TRAPPC9: variants seen among roughly 807,000 people sequenced by gnomAD.
TRAPPC9 encodes the protein trafficking protein particle complex subunit 9.
Under a neutral mutation model 124.0 loss-of-function variants are expected in TRAPPC9, and 83 were observed. The ratio of observed to expected loss-of-function variants is 0.67; its 90% CI spans 0.56 to 0.80. The LOEUF is 0.80. TRAPPC9 is among the 30% of genes least tolerant of loss of function. The pLI is 0.00. For missense variants in TRAPPC9, 1,302 were observed against 1,508.3 expected, an observed-to-expected ratio of 0.86 and a Z score of 2.27; for synonymous variants, 638 against 617.5, an observed-to-expected ratio of 1.03 and a Z score of -0.49.
chr8:140,237,017 T>C (rs761944022), intron 16 of TRAPPC9, among the ~76,000 whole-genome samples: 3 of 151,672 alleles, frequency 2.0e-5, no homozygotes, highest in Non-Finnish European at 2.9e-5. Flanking sequence ...CCCGCCTCTA[T>C]TAAAAATAAA....
At chr8:139,842,187 G>A (rs1826776172) in intron 21 of TRAPPC9, among the ~76,000 whole-genome samples, 1 of 152,212 alleles carries the variant, frequency 6.6e-6, no homozygotes. Flanking sequence ...CCAATTTGCA[G>A]CCTCTCTTTT....
intron 18 of TRAPPC9, among the ~76,000 whole-genome samples, chr8:140,017,051 C>CA (rs1839515160): frequency 6.6e-6 from 1 of 152,134 alleles, no homozygotes; most frequent in Non-Finnish European, 1.5e-5. Flanking sequence ...TAATGTTGAA[C>CA]ACTTTTCGGA....
rs1015249877 is a variant in TRAPPC9, at chr8:139,788,520, T to G, written c.3056-56318A>C. On this transcript the variant is annotated intron_variant, in intron 21 of 22. Coordinates refer to ENST00000438773, the MANE Select transcript of TRAPPC9 (RefSeq NM_001160372.4). This position sits in a 1 kb window ranked among gnomAD's most constrained non-coding sequence, Gnocchi z 4.9. ...GCACAGCCAGCCATCGGGCGGCCCA[T>G]GGTCCTGGGGCATGGCAGCTGCTCA... Among the ~76,000 whole-genome samples, 5 of 152,136 alleles carry G rather than the reference T, an allele frequency of 3.3e-5. No individual in the cohort carries two copies. Among genetic ancestry groups the G allele is most frequent in the African/African-American group, 1.2e-4 (5 of 41,426 alleles).
chr8:139,784,934 TA>T (rs946340171), intron 21 of TRAPPC9, among the ~76,000 whole-genome samples: 2 of 151,308 alleles, frequency 1.3e-5, no homozygotes, highest in African/African-American at 2.4e-5. Flanking sequence ...CAGCAGGCCT[TA>T]AAAAAAATAG....
Position 140,127,715 on chromosome 8 carries a change from C to T in TRAPPC9, c.2556+93744G>A, listed in dbSNP as rs147222235. Among the ~76,000 whole-genome samples the T allele has an allele frequency of 2.9e-3, 443 of 152,302 alleles. 2 individuals carry two copies. Among genetic ancestry groups the T allele is most frequent in the African/African-American group, 0.01 (425 of 41,560 alleles). On this transcript the variant is annotated intron_variant, in intron 17 of 22. Coordinates refer to ENST00000438773, the MANE Select transcript of TRAPPC9 (RefSeq NM_001160372.4). ...ATTAAAGGAGATACGTTCTTGATTG[C>T]AAAGGCATTCCCATCACAGGAAATA...
At chr8:140,061,009 T>A (rs1390020740) in intron 17 of TRAPPC9, among the ~76,000 whole-genome samples, 1 of 152,332 alleles carries the variant, frequency 6.6e-6, no homozygotes, top group East Asian at 1.9e-4. Flanking sequence ...ACTGTCACAG[T>A]CTGGAGAGAC....
chr8:140,026,593 T>C (rs759217709), intron 17 of TRAPPC9, among the ~76,000 whole-genome samples: 15 of 152,216 alleles, frequency 9.9e-5, no homozygotes, highest in Non-Finnish European at 1.9e-4. Context: ...CTAGTCATGT[T>C]GAGCATCTTT....
intron 17 of TRAPPC9, among the ~76,000 whole-genome samples, chr8:140,137,256 C>T (rs929630858): frequency 2.6e-5 from 4 of 152,178 alleles, no homozygotes; most frequent in Non-Finnish European, 5.9e-5. Context: ...TCCTGGGAGT[C>T]GGTGCTCCTC....
intron 11 of TRAPPC9, among the ~76,000 whole-genome samples, chr8:140,299,978 T>C (rs539584723): frequency 1.5e-4 from 23 of 152,352 alleles, no homozygotes; most frequent in Admixed American, 1.3e-4. Flanking sequence ...ACTTCAGCCC[T>C]TGTAAAATCA....
At chr8:140,380,778 G>C (rs570394437) in intron 7 of TRAPPC9, among the ~76,000 whole-genome samples, 1 of 146,870 alleles carries the variant, frequency 6.8e-6, no homozygotes, top group Non-Finnish European at 1.5e-5. Flanking sequence ...GTTCCTAAAA[G>C]AAAACAAGAA....
At chr8:139,732,586 C>T (rs1185701340) in intron 21 of TRAPPC9, among the ~76,000 whole-genome samples, 1 of 152,194 alleles carries the variant, frequency 6.6e-6, no homozygotes, top group Admixed American at 6.5e-5. Flanking sequence ...CCTAAAGTGC[C>T]GCAGGTCAGG....
rs192312956 is a variant in TRAPPC9, at chr8:139,985,229, T to C, written c.2810+3497A>G. 4.6e-5 allele frequency among the ~76,000 whole-genome samples: 7 copies of C among 152,340 alleles called. No homozygotes were observed. In the East Asian group the frequency reaches 1.3e-3, roughly 29 times the overall value. ...GATTGTTAATGTCATCAGCCTCACA[T>C]TGCCAAGAATGAGTCAAGCTTACTA... On this transcript the variant is annotated intron_variant, in intron 19 of 22. Transcript: ENST00000438773.
At chr8:139,816,314 G>A (rs1000876053) in intron 21 of TRAPPC9, among the ~76,000 whole-genome samples, 13 of 152,336 alleles carry the variant, frequency 8.5e-5, no homozygotes, top group Non-Finnish European at 7.4e-5. Context: ...AAAGCAGCTG[G>A]GCCAGCCAGA....
In TRAPPC9 at chr8:140,385,462, A is replaced by C. The variant is rs188009545; in HGVS notation, c.1134+12158T>G. Reference sequence around the variant, plus strand: ...AAAAGAGAGAAGAATCAAATAGACGAAATAAAAAATGACAAAGGGGATATC... The same window carrying C: ...AAAAGAGAGAAGAATCAAATAGACGCAATAAAAAATGACAAAGGGGATATC... On this transcript the variant is annotated intron_variant, in intron 7 of 22. Transcript: ENST00000438773. Among the ~76,000 whole-genome samples, 10 of 152,244 alleles carry C rather than the reference A, an allele frequency of 6.6e-5. 1 individual carries two copies. The highest frequency in any genetic ancestry group is 2.2e-4 in the African/African-American group (9 of 41,546).
chr8:139,835,384 G>C (rs1485495544), intron 21 of TRAPPC9, among the ~76,000 whole-genome samples: 6 of 152,264 alleles, frequency 3.9e-5, no homozygotes, highest in Non-Finnish European at 8.8e-5. Context: ...CCGCTGCTCT[G>C]CGACTCTGCA....
chr8:140,013,126 T>A (rs1052347657), intron 18 of TRAPPC9, among the ~76,000 whole-genome samples: 4 of 152,174 alleles, frequency 2.6e-5, no homozygotes, highest in Non-Finnish European at 4.4e-5. Flanking sequence ...TAATTAATGC[T>A]TTTGTGAAAA....
chr8:139,910,010 C>G lies in TRAPPC9; in HGVS notation c.2964+137G>C. ...GTTAAGGAAATGCCAAGCCTTTGGT[C>G]CACATCTCCTTGCCACAGCATTTCT... is the stretch of plus-strand genomic sequence containing the variant. On this transcript the variant is annotated intron_variant, in intron 20 of 22. Transcript: ENST00000438773. The G allele has an allele frequency of 3.0e-6, 3 of 992,518 alleles. No individual in the cohort carries two copies. In the East Asian group the frequency reaches 7.2e-5, roughly 24 times the overall value. 61.5% of individuals were successfully genotyped at this position (992,518 alleles called of 1,614,324 possible).
At chr8:139,995,947 G>A (rs948588910) in intron 18 of TRAPPC9, among the ~76,000 whole-genome samples, 4 of 146,600 alleles carry the variant, frequency 2.7e-5, no homozygotes, top group African/African-American at 7.6e-5. Context: ...TAGTCAAGAT[G>A]TCCAGAATAC....
intron 17 of TRAPPC9, among the ~76,000 whole-genome samples, chr8:140,158,317 TA>T (rs1422137577): frequency 1.3e-5 from 2 of 152,164 alleles, no homozygotes; most frequent in Non-Finnish European, 2.9e-5. Context: ...GCTCTCAATA[TA>T]ATCACAAGGG....
Sources: gnomAD v4.1 joint callset for allele counts (sites outside exome capture counted in the v4.1 genomes callset) on GRCh38, gnomAD v4.1.1 for gene constraint, Gnocchi (gnomAD v3.1) non-coding constraint, MANE v1.5 for transcripts, NCBI Gene and HGNC (gene_info 2026-07-23, HGNC 2026-07-21) for gene names.